The following RORA variants were observed in gnomAD, a reference collection of about 807,000 sequenced individuals.
RORA encodes RAR related orphan receptor A, also known as nuclear receptor ROR-alpha.
RORA carries 7 observed loss-of-function variants against 69.5 expected under a neutral mutation model. That is an observed-to-expected ratio of 0.10 (90% CI 0.06 to 0.19). The LOEUF is 0.19. Ranked by LOEUF, RORA falls within the 10% of genes least tolerant of loss-of-function variation. The pLI, the probability that RORA is intolerant of heterozygous loss-of-function variation, is 1.00. For missense variants in RORA, 457 were observed against 663.0 expected (o/e 0.69, Z 3.41); for synonymous variants, 261 against 240.8 (o/e 1.08, Z -0.78).
Position 60,935,674 on chromosome 15 carries a change from G to A in RORA, c.167-256988C>T, listed in dbSNP as rs552232461. Among the ~76,000 whole-genome samples, 5 of 152,248 alleles carry A rather than the reference G, an allele frequency of 3.3e-5. No individual in the cohort carries two copies. The East Asian group carries it at 9.7e-4, about 29-fold the overall frequency. On this transcript the variant is annotated intron_variant, in intron 1 of 10. Coordinates refer to ENST00000335670, the MANE Select transcript of RORA (RefSeq NM_134261.3). ...CGCCTTTTGCTTAACCGGCCTTGAG[G>A]CCCAAACAGAGAAACACACCATACA...
chr15:60,711,527 C>G (rs1197171557), intron 1 of RORA, among the ~76,000 whole-genome samples: 1 of 152,114 alleles, frequency 6.6e-6, no homozygotes, highest in African/African-American at 2.4e-5. Context: ...TTGCATCCTT[C>G]CTTCCTCGCA....
intron 1 of RORA, among the ~76,000 whole-genome samples, chr15:60,942,214 G>A (rs1892720935): frequency 6.6e-6 from 1 of 152,120 alleles, no homozygotes; most frequent in South Asian, 2.1e-4. Flanking sequence ...TGTGCACACA[G>A]TAGATCTTTC....
chr15:60,798,299 G>A (rs542291917), intron 1 of RORA, among the ~76,000 whole-genome samples: 2 of 151,196 alleles, frequency 1.3e-5, no homozygotes, highest in South Asian at 4.2e-4. Context: ...AAATATGTAT[G>A]GAATATTTTA....
chr15:60,501,128 C>A (rs553735441), intron 8 of RORA, 59 bp from the exon 9 acceptor site: 17 of 911,232 alleles, frequency 1.9e-5, no homozygotes, highest in Non-Finnish European at 2.4e-5. Flanking sequence ...GGAGAAAAAC[C>A]TAGGTCTTAG....
intron 3 of RORA, among the ~76,000 whole-genome samples, chr15:60,518,476 T>C (rs1183081579): frequency 1.3e-5 from 2 of 152,240 alleles, no homozygotes; most frequent in African/African-American, 4.8e-5. Flanking sequence ...CTGGAGGGAC[T>C]GCCCTTGCAG....
chr15:60,563,400 T>C (rs766522510), intron 2 of RORA, among the ~76,000 whole-genome samples: 12 of 152,242 alleles, frequency 7.9e-5, no homozygotes, highest in Non-Finnish European at 1.3e-4. Flanking sequence ...ACTTTTGCTT[T>C]AGAAGGTATC....
chr15:61,165,051 C>A (rs182496098), intron 1 of RORA, among the ~76,000 whole-genome samples: 3 of 152,210 alleles, frequency 2.0e-5, no homozygotes, highest in African/African-American at 7.2e-5. Flanking sequence ...GAGAAGAAGG[C>A]ATCCTGCTTC....
chr15:61,094,999 A>G (rs2078767592), intron 1 of RORA, among the ~76,000 whole-genome samples: 1 of 152,250 alleles, frequency 6.6e-6, no homozygotes, highest in African/African-American at 2.4e-5. Flanking sequence ...TTCTGCATCA[A>G]CCTGGTTTCT....
chr15:60,802,952 T>C (rs1483142139), intron 1 of RORA, among the ~76,000 whole-genome samples: 2 of 96,044 alleles, frequency 2.1e-5, no homozygotes, highest in East Asian at 7.5e-4. Flanking sequence ...GTTTTGTTTC[T>C]TTTTTAAAAA....
At chr15:60,911,338 A>G (rs1251665496) in intron 1 of RORA, among the ~76,000 whole-genome samples, 2 of 152,104 alleles carry the variant, frequency 1.3e-5, no homozygotes, top group Non-Finnish European at 2.9e-5. Flanking sequence ...CTAGTCTTCA[A>G]CACACCTTCT....
chr15:60,666,346 C>CTTTTCTTTT (rs2070381024), intron 2 of RORA, among the ~76,000 whole-genome samples: 1 of 132,434 alleles, frequency 7.6e-6, no homozygotes, highest in Non-Finnish European at 1.6e-5. Flanking sequence ...TAATTTCTTT[C>CTTTTCTTTT]TTTTTTTTTT....
chr15:61,119,427 TATAC>T (rs2079082327), intron 1 of RORA, among the ~76,000 whole-genome samples: 1 of 150,262 alleles, frequency 6.7e-6, no homozygotes, highest in Admixed American at 6.6e-5. Flanking sequence ...TATATATATA[TATAC>T]ACACACACAA....
chr15:61,189,450 C>A (rs1342762620), intron 1 of RORA, among the ~76,000 whole-genome samples: 2 of 152,136 alleles, frequency 1.3e-5, no homozygotes, highest in East Asian at 3.9e-4. Flanking sequence ...AGCTGCTCTG[C>A]AGTAGATGAT....
chr15:60,939,921 G>A (rs751086633), intron 1 of RORA, among the ~76,000 whole-genome samples: 1 of 152,152 alleles, frequency 6.6e-6, no homozygotes, highest in Non-Finnish European at 1.5e-5. Context: ...TATAAATATT[G>A]GATACTGCAT....
chr15:61,170,520 C>A (rs752044380), intron 1 of RORA, among the ~76,000 whole-genome samples: 9 of 152,234 alleles, frequency 5.9e-5, no homozygotes, highest in Non-Finnish European at 1.3e-4. Context: ...AAGGTCCTAA[C>A]TGAATCGCAT....
chr15:60,750,871 A>T (rs12437914), intron 1 of RORA, among the ~76,000 whole-genome samples: 10,286 of 152,270 alleles, frequency 0.068, 470 homozygotes, highest in Admixed American at 0.12. Flanking sequence ...AGGTCCATAA[A>T]CACAGTCATC....
intron 1 of RORA, among the ~76,000 whole-genome samples, chr15:60,979,073 T>C (rs1288650274): frequency 2.0e-5 from 3 of 147,320 alleles, no homozygotes; most frequent in Non-Finnish European, 1.5e-5. Flanking sequence ...ACCATTCTCC[T>C]GCCTCAGCCT....
intron 1 of RORA, among the ~76,000 whole-genome samples, chr15:61,033,659 C>T (rs1479031088): frequency 1.3e-5 from 2 of 152,148 alleles, no homozygotes; most frequent in East Asian, 3.8e-4. Context: ...TTGGTCGCCA[C>T]CAACCCACAT....
chr15:60,986,925 G>T (rs1332119578), intron 1 of RORA, among the ~76,000 whole-genome samples: 6 of 152,116 alleles, frequency 3.9e-5, no homozygotes, highest in Admixed American at 3.3e-4. Context: ...CAGACCGGGT[G>T]ATTAAATAAA....
Sources: gnomAD v4.1 joint callset for allele counts (sites outside exome capture counted in the v4.1 genomes callset) on GRCh38, gnomAD v4.1.1 for gene constraint, MANE v1.5 for transcripts, NCBI Gene and HGNC (gene_info 2026-07-23, HGNC 2026-07-21) for gene names.